The following TENT5D variants were observed in gnomAD, a reference collection of about 807,000 sequenced individuals.
TENT5D encodes terminal nucleotidyltransferase 5D, also known as cancer/testis antigen 112.
For synonymous variants in TENT5D, 103 were observed against 100.6 expected, an observed-to-expected ratio of 1.02 and a Z score of -0.15; for missense variants, 191 against 287.0, an observed-to-expected ratio of 0.67 and a Z score of 2.42.
chrX:80,377,958 G>C (rs998405479), intron 3 of TENT5D, among the ~76,000 whole-genome samples: 1 of 111,822 alleles, frequency 8.9e-6, no homozygotes, highest in African/African-American at 3.3e-5. Context: ...TCTCATTGTG[G>C]TTTTGATTTA....
intron 3 of TENT5D, among the ~76,000 whole-genome samples, chrX:80,395,076 GAAC>G (rs1348551130): frequency 1.8e-5 from 2 of 111,333 alleles, no homozygotes; most frequent in Non-Finnish European, 3.8e-5. Flanking sequence ...ATTTCTATGA[GAAC>G]AACTTTTTTA....
At chrX:80,367,657 A>G (rs146144736) in intron 3 of TENT5D, among the ~76,000 whole-genome samples, 466 of 112,035 alleles carry the variant, frequency 4.2e-3, no homozygotes, top group African/African-American at 0.014. Context: ...AGTACTATTC[A>G]GACAAAAAAA....
At chrX:80,421,175 T>C (rs1278651162) in intron 1 of TENT5D, among the ~76,000 whole-genome samples, 2 of 111,197 alleles carry the variant, frequency 1.8e-5, no homozygotes, top group African/African-American at 6.5e-5. Flanking sequence ...TTATCTCATT[T>C]GTATAGTTTT....
chrX:80,365,250 G>A (rs1930484705), intron 3 of TENT5D, among the ~76,000 whole-genome samples: 1 of 110,606 alleles, frequency 9.0e-6, no homozygotes. Flanking sequence ...AATTTTGTGA[G>A]ATCAGGAAAA....
At chrX:80,419,086 T>C (rs1931833098), upstream of TENT5D, among the ~76,000 whole-genome samples, 1 of 111,865 alleles carries the variant, frequency 8.9e-6, no homozygotes. Context: ...GAATGAGGAT[T>C]GAGTTAATTA....
chrX:80,403,135 G>A (rs912453395), intron 3 of TENT5D, among the ~76,000 whole-genome samples: 2 of 111,992 alleles, frequency 1.8e-5, no homozygotes, highest in Non-Finnish European at 3.8e-5. Flanking sequence ...AAGGTAATAT[G>A]TTTCGCTCAT....
At chrX:80,432,312 C>CAGATA (rs1375768147) in intron 1 of TENT5D, among the ~76,000 whole-genome samples, 1 of 111,436 alleles carries the variant, frequency 9.0e-6, no homozygotes, top group African/African-American at 3.3e-5. Flanking sequence ...CTTCAGTTGC[C>CAGATA]CCAGGACCTC....
intron 3 of TENT5D, among the ~76,000 whole-genome samples, chrX:80,391,839 C>T (rs1293128818): frequency 8.9e-6 from 1 of 112,523 alleles, no homozygotes; most frequent in East Asian, 2.8e-4. Flanking sequence ...TCGTAGACCC[C>T]GTTTAGGGAA....
chrX:80,419,856 A>G (rs921061469), upstream of TENT5D, among the ~76,000 whole-genome samples: 6 of 111,055 alleles, frequency 5.4e-5, no homozygotes, highest in African/African-American at 1.6e-4. Flanking sequence ...AATGACAGAT[A>G]TGCATCCCCA....
At chrX:80,353,422 G>A (rs868660909) in intron 3 of TENT5D, among the ~76,000 whole-genome samples, 17 of 110,691 alleles carry the variant, frequency 1.5e-4, no homozygotes, top group Middle Eastern at 4.2e-3. Context: ...TTAAATTTTC[G>A]CCCTCCTCCT....
chrX:80,397,702 G>A (rs967579036), intron 3 of TENT5D, among the ~76,000 whole-genome samples: 1 of 112,706 alleles, frequency 8.9e-6, no homozygotes, highest in South Asian at 3.7e-4. Context: ...CGAGGCTGGC[G>A]GATCACTCGC....
chrX:80,337,101 T>G (rs1433226552), intron 2 of TENT5D, among the ~76,000 whole-genome samples: 1 of 112,237 alleles, frequency 8.9e-6, no homozygotes, highest in East Asian at 2.8e-4. Context: ...ACATGTGTAT[T>G]CATTCATTTA....
At chrX:80,421,946 G>A (rs1361237555) in intron 1 of TENT5D, among the ~76,000 whole-genome samples, 1 of 111,179 alleles carries the variant, frequency 9.0e-6, no homozygotes, top group Non-Finnish European at 1.9e-5. Flanking sequence ...TGTGTCGGGG[G>A]GTGGGAAAAA....
At chrX:80,380,924 T>C (rs1251172405) in intron 3 of TENT5D, among the ~76,000 whole-genome samples, 1 of 111,892 alleles carries the variant, frequency 8.9e-6, no homozygotes, top group Non-Finnish European at 1.9e-5. Context: ...TTTTTCAGTC[T>C]GTGTCTTTTA....
chrX:80,382,471 T>A (rs1348006618), intron 3 of TENT5D, among the ~76,000 whole-genome samples: 1 of 111,856 alleles, frequency 8.9e-6, no homozygotes, highest in African/African-American at 3.3e-5. Context: ...GGCAGTCCGT[T>A]CTCAGAGCTC....
In TENT5D at chrX:80,347,601, A is replaced by C. The variant is rs765700339; in HGVS notation, c.-142+5037A>C. Among the ~76,000 whole-genome samples the C allele has an allele frequency of 4.5e-5, 5 of 111,378 alleles. No homozygotes were observed. In the South Asian group the frequency reaches 1.9e-3, roughly 42 times the overall value. ...TTTGTCAGATGGATAGATTGCAAAA[A>C]TTTTCTCCCATTCTGTAGGTTGCCT... is the stretch of plus-strand genomic sequence containing the variant. On this transcript the variant is annotated intron_variant, in intron 3 of 4. Transcript: ENST00000538312.
intron 2 of TENT5D, among the ~76,000 whole-genome samples, chrX:80,339,872 T>G (rs11266572): frequency 0.037 from 3,839 of 103,873 alleles, 101 homozygotes; most frequent in East Asian, 0.092. Flanking sequence ...TATATATATA[T>G]AGAGAGAGAG....
At chrX:80,411,094 T>C (rs1473001292) in intron 3 of TENT5D, among the ~76,000 whole-genome samples, 1 of 55,279 alleles carries the variant, frequency 1.8e-5, no homozygotes, top group Admixed American at 3.0e-4. Flanking sequence ...GGGACTGTTG[T>C]GGGGTGGGGG....
chrX:80,394,691 G>A (rs143978225), intron 3 of TENT5D, among the ~76,000 whole-genome samples: 46 of 110,899 alleles, frequency 4.1e-4, no homozygotes, highest in African/African-American at 1.5e-3. Flanking sequence ...ACCATGCCCA[G>A]CCTGCTTATT....
Sources: gnomAD v4.1 joint callset for allele counts (sites outside exome capture counted in the v4.1 genomes callset) on GRCh38, gnomAD v4.1.1 for gene constraint, MANE v1.5 for transcripts, NCBI Gene and HGNC (gene_info 2026-07-23, HGNC 2026-07-21) for gene names.